CCDC122: variants seen among roughly 807,000 people sequenced by gnomAD.
The protein encoded by CCDC122 is coiled-coil domain containing 122.
Under a neutral mutation model 37.0 loss-of-function variants are expected in CCDC122, and 38 were observed. The ratio of observed to expected loss-of-function variants is 1.03; its 90% CI spans 0.79 to 1.35. The LOEUF is 1.35. Ranked by LOEUF, CCDC122 falls within the 40% of genes most tolerant of loss-of-function variation. The pLI is 0.00. For synonymous variants in CCDC122, 83 were observed against 95.6 expected, an observed-to-expected ratio of 0.87 and a Z score of 0.77; for missense variants, 305 against 310.0, an observed-to-expected ratio of 0.98 and a Z score of 0.12.
chr13:43,831,862 G>A (rs902979892), downstream of CCDC122, among the ~76,000 whole-genome samples: 67 of 152,046 alleles, frequency 4.4e-4, no homozygotes, highest in African/African-American at 1.6e-3. Flanking sequence ...CAGCAACCCT[G>A]TCATTACCAA....
intron 6 of CCDC122, among the ~76,000 whole-genome samples, chr13:43,845,168 T>A (rs535600607): frequency 1.3e-5 from 2 of 152,210 alleles, no homozygotes; most frequent in South Asian, 4.1e-4. Flanking sequence ...GGAATTTTAA[T>A]ATATTCTCTT....
At chr13:43,865,870 C>G (rs537254735) in intron 4 of CCDC122, among the ~76,000 whole-genome samples, 5 of 152,280 alleles carry the variant, frequency 3.3e-5, no homozygotes, top group African/African-American at 1.2e-4. Flanking sequence ...AAGTTAAGAA[C>G]TTTCACCTTC....
At chr13:43,832,561 C>A (rs1003430796), downstream of CCDC122, among the ~76,000 whole-genome samples, 3 of 152,090 alleles carry the variant, frequency 2.0e-5, no homozygotes, top group African/African-American at 7.2e-5. Context: ...CTGACACTGA[C>A]CCTCATGAAC....
At position 43,860,209 on chromosome 13, in the gene CCDC122, C is replaced by T. The variant is rs149053658; in HGVS notation, c.157-139G>A. On this transcript the variant is annotated intron_variant, in intron 4 of 6. Transcript: ENST00000444614. ...TCAGATATTTAAAAATTAATGAATA[C>T]AAGGAAACATGCAATAAACACAATT... 3 of 426,258 alleles carry T rather than the reference C, an allele frequency of 7.0e-6. No individual in the cohort carries two copies. In the East Asian group the frequency reaches 1.1e-4, roughly 16 times the overall value. 26.4% of individuals were successfully genotyped at this position (426,258 alleles called of 1,614,324 possible).
At chr13:43,826,191 G>A (rs1048225222) in intron 3 of CCDC122, among the ~76,000 whole-genome samples, 1 of 152,010 alleles carries the variant, frequency 6.6e-6, no homozygotes, top group African/African-American at 2.4e-5. Context: ...GGTACATTTA[G>A]CCTTTCATTT....
chr13:43,877,044 C>T (rs9533672), intron 1 of CCDC122, among the ~76,000 whole-genome samples: 78,496 of 151,928 alleles, frequency 0.52, 20,716 homozygotes, highest in Middle Eastern at 0.62. Flanking sequence ...CCTGTGGAGG[C>T]TGCAGTGAGC....
At chr13:43,866,508 G>A (rs935826582) in intron 4 of CCDC122, among the ~76,000 whole-genome samples, 10 of 152,150 alleles carry the variant, frequency 6.6e-5, no homozygotes, top group Admixed American at 2.6e-4. Context: ...TGCATTTCAT[G>A]TATAAATAAA....
At chr13:43,821,850 C>T (rs1015968361), downstream of CCDC122, among the ~76,000 whole-genome samples, 1 of 152,172 alleles carries the variant, frequency 6.6e-6, no homozygotes, top group South Asian at 2.1e-4. Flanking sequence ...TAATTTCAAT[C>T]TCCTTGTTAA....
rs56901535 is a variant in CCDC122 at position 43,828,555 on chromosome 13, TACACACACACACAC to T, written n.602-4558_602-4545del. 5.7e-3 allele frequency among the ~76,000 whole-genome samples: 835 copies of T among 146,222 alleles called. 5 individuals are homozygous for T. Among genetic ancestry groups the T allele is most frequent in the Middle Eastern group, 0.024 (7 of 292 alleles). ...TATTTGAGCCTATTTTATAGACAGA[TACACACACACACAC>T]ACACACACACACACACACACACACA... On this transcript the variant is annotated intron_variant and non_coding_transcript_variant, in intron 3 of 3. Transcript: ENST00000470137.
chr13:43,863,751 G>A (rs970424348), intron 4 of CCDC122, among the ~76,000 whole-genome samples: 2 of 151,974 alleles, frequency 1.3e-5, no homozygotes, highest in African/African-American at 4.8e-5. Context: ...ACTGTTAGAT[G>A]TGTTTTCAAA....
Position 43,826,615 on chromosome 13 carries a change from G to A in CCDC122, n.602-2604C>T, listed in dbSNP as rs528259096. Among the ~76,000 whole-genome samples the A allele has an allele frequency of 1.6e-4, 24 of 152,196 alleles. No homozygotes were observed. The South Asian group carries it at 4.8e-3, about 30-fold the overall frequency. The stretch of plus-strand genomic sequence containing the variant: ...AAGCGTGGTTAAGAATACCTGTGAT[G>A]CCAAAACTCTGAAAAGTACTCAAAA... On this transcript the variant is annotated intron_variant and non_coding_transcript_variant, in intron 3 of 3. Transcript: ENST00000470137.
intron 3 of CCDC122, among the ~76,000 whole-genome samples, chr13:43,828,595 CACACGT>C (rs1235888167): frequency 3.0e-5 from 4 of 134,284 alleles, no homozygotes; most frequent in Non-Finnish European, 4.9e-5. Context: ...CACACACACA[CACACGT>C]GTCTTTCTTG....
At chr13:43,841,737 G>A (rs1953360087) in intron 6 of CCDC122, among the ~76,000 whole-genome samples, 1 of 152,022 alleles carries the variant, frequency 6.6e-6, no homozygotes, top group African/African-American at 2.4e-5. Context: ...AAGTGGGGAG[G>A]TCTCACTTTG....
At chr13:43,829,906 C>T (rs1409250735) in intron 3 of CCDC122, among the ~76,000 whole-genome samples, 1 of 151,990 alleles carries the variant, frequency 6.6e-6, no homozygotes, top group African/African-American at 2.4e-5. Flanking sequence ...GATGGAGTCT[C>T]ACTCTGTTGC....
chr13:43,878,338 T>C (rs1409287170), intron 1 of CCDC122, among the ~76,000 whole-genome samples: 1 of 152,178 alleles, frequency 6.6e-6, no homozygotes, highest in Non-Finnish European at 1.5e-5. Flanking sequence ...TGATTGGGTG[T>C]ACCATCTACC....
chr13:43,872,698 T>C (rs1954489147), intron 2 of CCDC122, among the ~76,000 whole-genome samples: 1 of 152,150 alleles, frequency 6.6e-6, no homozygotes, highest in Non-Finnish European at 1.5e-5. Context: ...ACTTTTGTAC[T>C]CCTTTCTCAC....
At chr13:43,866,457 G>A (rs530672820) in intron 4 of CCDC122, among the ~76,000 whole-genome samples, 10 of 152,264 alleles carry the variant, frequency 6.6e-5, no homozygotes, top group African/African-American at 2.2e-4. Flanking sequence ...ATTAGCCTAT[G>A]TATTTCTCTC....
intron 6 of CCDC122, among the ~76,000 whole-genome samples, chr13:43,842,186 C>CATAGATCA (rs1953377877): frequency 6.6e-6 from 1 of 152,156 alleles, no homozygotes; most frequent in African/African-American, 2.4e-5. Flanking sequence ...TTAACTTTCA[C>CATAGATCA]ATTTAGATCT....
At chr13:43,823,278 G>A (rs1292447371), downstream of CCDC122, among the ~76,000 whole-genome samples, 1 of 152,060 alleles carries the variant, frequency 6.6e-6, no homozygotes, top group African/African-American at 2.4e-5. Context: ...GACTCTGCCT[G>A]ATGTCCTGTC....
Sources: allele counts gnomAD v4.1 joint callset (sites outside exome capture counted in the v4.1 genomes callset), GRCh38; gene constraint gnomAD v4.1.1; transcripts MANE v1.5; gene names NCBI Gene and HGNC (gene_info 2026-07-23, HGNC 2026-07-21).